TMEM132D: variants seen among roughly 807,000 people sequenced by gnomAD.
The protein encoded by TMEM132D is transmembrane protein 132D.
TMEM132D carries 21 observed loss-of-function variants against 62.3 expected under a neutral mutation model. That is an observed-to-expected ratio of 0.34 (90% CI 0.24 to 0.49). The LOEUF (loss-of-function observed/expected upper bound fraction) is 0.49. Among genes scored for constraint, TMEM132D ranks in the 20% least tolerant of loss-of-function variants. The pLI is 0.99. For missense variants in TMEM132D, 1,346 were observed against 1,402.8 expected (o/e 0.96, Z 0.65); for synonymous variants, 621 against 575.6 (o/e 1.08, Z -1.13).
At chr12:129,435,150 TC>T (rs1391304515) in intron 3 of TMEM132D, among the ~76,000 whole-genome samples, 5 of 152,220 alleles carry the variant, frequency 3.3e-5, no homozygotes. Context: ...AGGATTTTAT[TC>T]TTTTTTAATG....
intron 2 of TMEM132D, among the ~76,000 whole-genome samples, chr12:129,606,249 A>C (rs1470689224): frequency 6.6e-6 from 1 of 152,098 alleles, no homozygotes; most frequent in Non-Finnish European, 1.5e-5. Flanking sequence ...TAGTTCAGAA[A>C]GCTTCAAAGG....
chr12:129,752,928 T>TC (rs1870046083), intron 1 of TMEM132D, among the ~76,000 whole-genome samples: 1 of 151,894 alleles, frequency 6.6e-6, no homozygotes, highest in African/African-American at 2.4e-5. Context: ...GGAAGGGTGG[T>TC]CCCCCCAAAG....
intron 1 of TMEM132D, among the ~76,000 whole-genome samples, chr12:129,893,163 C>T (rs1874985335): frequency 6.6e-6 from 1 of 152,154 alleles, no homozygotes; most frequent in African/African-American, 2.4e-5. Flanking sequence ...GCAGGAGCCA[C>T]CACGCCTGGC....
chr12:129,163,942 A>T (rs1046431618), intron 5 of TMEM132D, among the ~76,000 whole-genome samples: 3 of 152,232 alleles, frequency 2.0e-5, no homozygotes, highest in Non-Finnish European at 4.4e-5. Context: ...TCCCAGCCGG[A>T]TGGAAGTTGA....
chr12:129,288,015 T>C (rs1167257038), intron 4 of TMEM132D, among the ~76,000 whole-genome samples: 1 of 152,228 alleles, frequency 6.6e-6, no homozygotes, highest in Non-Finnish European at 1.5e-5. Context: ...CTCAAGATTG[T>C]TTTGACTATT....
chr12:129,201,694 G>A (rs1878708237), intron 5 of TMEM132D, among the ~76,000 whole-genome samples: 1 of 152,078 alleles, frequency 6.6e-6, no homozygotes, highest in African/African-American at 2.4e-5. Context: ...GCTCCCACAA[G>A]GACAGCTCTG....
chr12:129,733,791 G>A (rs926295988), intron 1 of TMEM132D, among the ~76,000 whole-genome samples: 1 of 152,158 alleles, frequency 6.6e-6, no homozygotes, highest in Non-Finnish European at 1.5e-5. Flanking sequence ...CAGTCGCTGG[G>A]CAGGTGATGA....
chr12:129,134,116 T>TTGTGTGTGTGTGTGTGTGTCTGTGTGTTG (rs141367054), intron 5 of TMEM132D, among the ~76,000 whole-genome samples: 1 of 144,476 alleles, frequency 6.9e-6, no homozygotes, highest in Admixed American at 6.8e-5. Flanking sequence ...TGTCTGTGTG[T>TTGTGTGTGTGTGTGTGTGTCTGTGTGTTG]TGTGTGTGTG....
At chr12:129,425,098 C>T (rs1420245727) in intron 3 of TMEM132D, among the ~76,000 whole-genome samples, 1 of 152,132 alleles carries the variant, frequency 6.6e-6, no homozygotes, top group African/African-American at 2.4e-5. Flanking sequence ...ATAAGTAATC[C>T]ATTATTTTGT....
At chr12:129,780,682 T>C (rs1350746912) in intron 1 of TMEM132D, among the ~76,000 whole-genome samples, 1 of 152,248 alleles carries the variant, frequency 6.6e-6, no homozygotes, top group Admixed American at 6.5e-5. Flanking sequence ...ATGTCCGTAA[T>C]TGGTGAATTT....
intron 4 of TMEM132D, among the ~76,000 whole-genome samples, chr12:129,275,619 A>C (rs888511272): frequency 1.3e-5 from 2 of 152,206 alleles, no homozygotes; most frequent in African/African-American, 4.8e-5. Context: ...AGTTCAGGGG[A>C]TGCTGGAATA....
chr12:129,793,314 T>C (rs2137300154), intron 1 of TMEM132D, among the ~76,000 whole-genome samples: 1 of 152,026 alleles, frequency 6.6e-6, no homozygotes, highest in South Asian at 2.1e-4. Context: ...TCTTCTTGAG[T>C]TTTTTTTCCC....
intron 5 of TMEM132D, among the ~76,000 whole-genome samples, chr12:129,179,883 C>A (rs1389063006): frequency 1.3e-5 from 2 of 152,048 alleles, no homozygotes; most frequent in African/African-American, 4.8e-5. Flanking sequence ...CAAAAATTAG[C>A]CAGGCGTGGT....
At chr12:129,422,138 A>G in intron 3 of TMEM132D, among the ~76,000 whole-genome samples, 1 of 150,558 alleles carries the variant, frequency 6.6e-6, no homozygotes, top group East Asian at 1.9e-4. Flanking sequence ...CTCATCTCCT[A>G]CTGACACTAA....
chr12:129,859,240 G>C (rs559296717), intron 1 of TMEM132D, among the ~76,000 whole-genome samples: 133 of 152,316 alleles, frequency 8.7e-4, no homozygotes, highest in Non-Finnish European at 1.7e-3. Flanking sequence ...CTGTGGTCGA[G>C]AACCATAGAC....
intron 1 of TMEM132D, among the ~76,000 whole-genome samples, chr12:129,842,929 T>C (rs547068467): frequency 1.9e-4 from 29 of 152,208 alleles, no homozygotes; most frequent in Non-Finnish European, 3.2e-4. Flanking sequence ...TTTCCACTTA[T>C]ATTAGTTATG....
chr12:129,562,826 C>T (rs1234365972), intron 2 of TMEM132D, among the ~76,000 whole-genome samples: 2 of 152,282 alleles, frequency 1.3e-5, no homozygotes, highest in South Asian at 2.1e-4. Context: ...GGAGAAACCC[C>T]GTGCTTCCTT....
chr12:129,439,311 T>C (rs561431309), intron 3 of TMEM132D, among the ~76,000 whole-genome samples: 1 of 152,326 alleles, frequency 6.6e-6, no homozygotes, highest in East Asian at 1.9e-4. Context: ...TTTTTAAACA[T>C]TTAGTTTTTC....
intron 4 of TMEM132D, among the ~76,000 whole-genome samples, chr12:129,251,857 G>C (rs945322577): frequency 1.3e-5 from 2 of 152,128 alleles, no homozygotes; most frequent in African/African-American, 2.4e-5. Context: ...CGTGGATGCA[G>C]TGACCCCTTG....
Sources: gnomAD v4.1 joint callset for allele counts (sites outside exome capture counted in the v4.1 genomes callset) on GRCh38, gnomAD v4.1.1 for gene constraint, MANE v1.5 for transcripts, NCBI Gene and HGNC (gene_info 2026-07-23, HGNC 2026-07-21) for gene names.